Variants in CEP295 observed in about 807,000 individuals in gnomAD.
CEP295 encodes centrosomal protein 295.
CEP295 carries 190 observed loss-of-function variants against 291.6 expected under a neutral mutation model. The ratio of observed to expected loss-of-function variants is 0.65; its 90% CI spans 0.58 to 0.73. CEP295 has a LOEUF of 0.73. CEP295 is among the 30% of genes least tolerant of loss of function. CEP295 has a pLI of 0.00. For synonymous variants in CEP295, 993 were observed against 1,038.8 expected, an observed-to-expected ratio of 0.96 and a Z score of 0.85; for missense variants, 2,863 against 2,949.4, an observed-to-expected ratio of 0.97 and a Z score of 0.68.
intron 15 of CEP295, among the ~76,000 whole-genome samples, chr11:93,701,343 G>A (rs1352666724): frequency 2.6e-5 from 4 of 152,096 alleles, no homozygotes; most frequent in African/African-American, 9.7e-5. Flanking sequence ...CAGCCTGGGC[G>A]ATGAGGGAGA....
chr11:93,689,497 G>A (rs1951410863), intron 10 of CEP295, among the ~76,000 whole-genome samples: 1 of 152,032 alleles, frequency 6.6e-6, no homozygotes, highest in Non-Finnish European at 1.5e-5. Context: ...TTTTTCTTGG[G>A]TATTTCCTTG....
At chr11:93,727,815 G>A (rs1319795634) in intron 24 of CEP295, 178 bp downstream of exon 24, 2 of 515,816 alleles carry the variant, frequency 3.9e-6, no homozygotes, top group Non-Finnish European at 6.7e-6. Context: ...CACAATGCCT[G>A]GCAGGAAAAA....
At chr11:93,687,609 G>A in intron 9 of CEP295, 35 bp from the exon 10 acceptor site, 1 of 1,188,840 alleles carries the variant, frequency 8.4e-7, no homozygotes, top group Non-Finnish European at 1.2e-6. Context: ...TACAATAGAT[G>A]CTAAATAAGT....
rs1193133074 is a variant in CEP295 at position 93,729,671 on chromosome 11, G to A, written c.7457G>A (p.Arg2486Lys). ...PGSLQEAFIKRKKSFMERSHQ... is the reference protein window; with the variant it reads ...PGSLQEAFIKKKKSFMERSHQ... ...AGCTTACAAGAAGCATTTATAAAGA[G>A]GAAAAAATCATTTATGGAGAGATCC... Residue 2486 changes from arginine (R) to lysine (K), a missense_variant, in exon 27 of 30, where the codon AGG becomes AAG. By Grantham distance (26) the Arg-to-Lys change is conservative. Around this residue, in one of 3 missense-constraint regions of CEP295, gnomAD observed 2,295 missense variants for 2,335.7 expected, o/e 0.98. Coordinates refer to ENST00000325212, the MANE Select transcript of CEP295 (RefSeq NM_033395.2). The A allele has an allele frequency of 6.4e-7, 1 of 1,550,616 alleles. No individual in the cohort carries two copies. The highest frequency in any genetic ancestry group is 8.7e-7 in the Non-Finnish European group (1 of 1,146,644).
chr11:93,730,236 A>G lies in CEP295; in HGVS notation c.7773A>G (p.Thr2591=). The G allele has an allele frequency of 6.4e-7, 1 of 1,551,238 alleles. No homozygotes were observed. The highest frequency in any genetic ancestry group is 2.0e-5 in the Admixed American group (1 of 50,972). The change falls in exon 30 of 30, where the codon ACA becomes ACG. Residue 2591 remains threonine (T), a synonymous_variant. Transcript: ENST00000325212. The stretch of plus-strand genomic sequence containing the variant: ...AATTTTTATTCCTTCCACAGAAAAC[A>G]CTAGAGAAACTTCGAGCCAAAAATA... The part of the protein sequence containing the change: ...RARAKEFHKK[T]LEKLRAKNTC
At position 93,698,335 on chromosome 11, in the gene CEP295, A is replaced by C; in HGVS notation, c.3423A>C (p.Ile1141=). 6.4e-7 allele frequency: 1 copy of C among 1,552,126 alleles called. No homozygotes were observed. Among genetic ancestry groups the C allele is most frequent in the Non-Finnish European group, 8.7e-7 (1 of 1,147,048 alleles). ...KENVGPSCHL[I]IPTFQDKSLS... ...ATGTAGGTCCCTCCTGTCATTTGATAATCCCAACATTTCAGGATAAGTCTC... is the reference window on the plus strand; with the variant it reads ...ATGTAGGTCCCTCCTGTCATTTGATCATCCCAACATTTCAGGATAAGTCTC... Residue 1141 remains isoleucine (I), a synonymous_variant, in exon 15 of 30, where the codon ATA becomes ATC. Transcript: ENST00000325212.
chr11:93,724,246 C>G lies in CEP295; in HGVS notation c.6197-8C>G. On this transcript the variant is annotated splice_region_variant and splice_polypyrimidine_tract_variant and intron_variant, in intron 21 of 29. Coordinates refer to ENST00000325212, the MANE Select transcript of CEP295 (RefSeq NM_033395.2). ...CAAAAATTCTAACAGTTGACCTTGACTTTCCAGAATTGGAACACATTTTTC... is the reference window on the plus strand; with the variant it reads ...CAAAAATTCTAACAGTTGACCTTGAGTTTCCAGAATTGGAACACATTTTTC... The G allele has an allele frequency of 6.5e-7, 1 of 1,543,598 alleles. No individual in the cohort carries two copies. Among genetic ancestry groups the G allele is most frequent in the Middle Eastern group, 1.7e-4 (1 of 5,978 alleles).
rs1951108211 is a variant in CEP295, at chr11:93,684,129, G to A, written c.1114+1G>A. Reference sequence around the variant, plus strand: ...GAAATATGTTCTAGTGAAACAGATGGTAAAAACCCTTCTGAGCTAAATATT... The same window carrying A: ...GAAATATGTTCTAGTGAAACAGATGATAAAAACCCTTCTGAGCTAAATATT... On this transcript the variant is annotated splice_donor_variant, in intron 9 of 29. Coordinates refer to ENST00000325212, the MANE Select transcript of CEP295 (RefSeq NM_033395.2). LOFTEE classifies it high-confidence loss of function. 6.5e-7 allele frequency: 1 copy of A among 1,549,690 alleles called. No individual in the cohort carries two copies. Among genetic ancestry groups the A allele is most frequent in the South Asian group, 1.2e-5 (1 of 83,916 alleles).
rs866486583 is a variant in CEP295 at position 93,727,892 on chromosome 11, T to G, written c.7161+255T>G. Reference sequence around the variant, plus strand: ...ATCCAGCTTGTGATCACTAGAAATATCCAGCATAATGCAGAAACTTAAAAA... The same window carrying G: ...ATCCAGCTTGTGATCACTAGAAATAGCCAGCATAATGCAGAAACTTAAAAA... On this transcript the variant is annotated intron_variant, in intron 24 of 29. Transcript: ENST00000325212. 8.8e-6 allele frequency: 3 copies of G among 341,366 alleles called. No homozygotes were observed. The South Asian group carries it at 2.1e-4, about 23-fold the overall frequency. 21.1% of individuals were successfully genotyped at this position (341,366 alleles called of 1,614,324 possible).
chr11:93,711,953 A>C lies in CEP295; in HGVS notation c.5749+5056A>C, dbSNP rs1225255027. On this transcript the variant is annotated intron_variant, in intron 18 of 29. Transcript: ENST00000325212. ...CCATTGGATGAAATGTTCTGTAAAT[A>C]TCTGTTAGGTTCATTTGGTCTATGG... 3.3e-5 allele frequency among the ~76,000 whole-genome samples: 5 copies of C among 152,034 alleles called. No homozygotes were observed. The East Asian group carries it at 9.6e-4, about 29-fold the overall frequency.
At chr11:93,680,350 A>G (rs1029180456) in intron 7 of CEP295, among the ~76,000 whole-genome samples, 3 of 152,240 alleles carry the variant, frequency 2.0e-5, no homozygotes, top group African/African-American at 7.2e-5. Context: ...CAGGCCTGTC[A>G]TCCCAACACT....
At chr11:93,674,015 C>G (rs1950570708) in intron 5 of CEP295, among the ~76,000 whole-genome samples, 1 of 151,288 alleles carries the variant, frequency 6.6e-6, no homozygotes, top group South Asian at 2.1e-4. Context: ...TGCAGTGGCA[C>G]AATCTTGGCT....
rs1197780079 is a variant in CEP295, at chr11:93,698,997, G to A, written c.4085G>A (p.Arg1362Lys). ...KALQEQLATQ[R>K]EAIILARQEA... ...CTTCAAGAACAGTTAGCTACACAGAGAGAAGCCATCATTCTAGCTAGACAA... is the reference window on the plus strand; with the variant it reads ...CTTCAAGAACAGTTAGCTACACAGAAAGAAGCCATCATTCTAGCTAGACAA... The change falls in exon 15 of 30, where the codon AGA becomes AAA. Residue 1362 changes from arginine to lysine, a missense_variant. Around this residue, in one of 3 missense-constraint regions of CEP295, gnomAD observed 2,295 missense variants for 2,335.7 expected, o/e 0.98. Transcript: ENST00000325212. 9 of 1,549,136 alleles carry A rather than the reference G, an allele frequency of 5.8e-6. No homozygotes were observed. The highest frequency in any genetic ancestry group is 2.0e-5 in the Admixed American group (1 of 50,982).
In CEP295 at chr11:93,726,225, G is replaced by A. The variant is rs190667874; in HGVS notation, c.6499+394G>A. ...GGCTCACTGCAACCTCCGCCTGCTG[G>A]GTTCAAGTGATTCTCCTGCCTCACT... On this transcript the variant is annotated intron_variant, in intron 23 of 29. Transcript: ENST00000325212. 5.0e-3 allele frequency among the ~76,000 whole-genome samples: 762 copies of A among 152,256 alleles called. 10 individuals carry two copies. Among genetic ancestry groups the A allele is most frequent in the African/African-American group, 0.017 (702 of 41,550 alleles).
At position 93,702,487 on chromosome 11, in the gene CEP295, T is replaced by G; in HGVS notation, c.5302T>G (p.Leu1768Val). 1 of 1,539,180 alleles carries G rather than the reference T, an allele frequency of 6.5e-7. No individual in the cohort carries two copies. Among genetic ancestry groups the G allele is most frequent in the East Asian group, 2.4e-5 (1 of 40,832 alleles). The change falls in exon 16 of 30, where the codon TTA (leucine) becomes GTA (valine). Residue 1768 changes from leucine to valine, a missense_variant. By Grantham distance (32) the Leu-to-Val change is conservative. This residue lies in a region of CEP295 where 2,295 missense variants were observed against 2,335.7 expected (regional missense o/e 0.98). Transcript: ENST00000325212. ...QISKPTVEND[L>V]KTQKMGQLRD... ...AAGTAAGCCCACAGTTGAAAATGAT[T>G]TAAAAACCCAGAAGATGGGGCAGCT...
Position 93,684,128 on chromosome 11 carries a change from G to C in CEP295, c.1114G>C (p.Val372Leu). ...TGAAATATGTTCTAGTGAAACAGAT[G>C]GTAAAAACCCTTCTGAGCTAAATAT... ...EAEICSSETD[V>L]PLVMKTQQIP... The change falls in exon 9 of 30, where the codon GTT (valine) becomes CTT (leucine). Residue 372 changes from valine (V) to leucine (L), a missense_variant and splice_region_variant. By Grantham distance (32) the Val-to-Leu change is conservative. Coordinates refer to ENST00000325212, the MANE Select transcript of CEP295 (RefSeq NM_033395.2). The C allele has an allele frequency of 3.2e-6, 5 of 1,549,368 alleles. No homozygotes were observed. The highest frequency in any genetic ancestry group is 4.4e-6 in the Non-Finnish European group (5 of 1,146,184).
rs1413885783 is a variant in CEP295, at chr11:93,683,724, A to G, written c.931A>G (p.Met311Val). The change falls in exon 8 of 30, where the codon ATG becomes GTG. Residue 311 changes from methionine (M) to valine (V), a missense_variant. By Grantham distance (21) the Met-to-Val change is conservative. Around this residue, in one of 3 missense-constraint regions of CEP295, gnomAD observed 554 missense variants for 576.0 expected, o/e 0.96. Coordinates refer to ENST00000325212, the MANE Select transcript of CEP295 (RefSeq NM_033395.2). Reference protein sequence around the residue: ...QRELEFAFEDMYNADRKVKGN... With the variant: ...QRELEFAFEDVYNADRKVKGN... Reference sequence around the variant, plus strand: ...AGAATTGGAATTTGCCTTTGAAGATATGTACAATGCAGACAGGAGTAAGAT... The same window carrying G: ...AGAATTGGAATTTGCCTTTGAAGATGTGTACAATGCAGACAGGAGTAAGAT... The G allele has an allele frequency of 5.8e-6, 9 of 1,545,708 alleles. No homozygotes were observed. Among genetic ancestry groups the G allele is most frequent in the Non-Finnish European group, 7.9e-6 (9 of 1,145,622 alleles).
rs1052712066 is a variant in CEP295 at position 93,699,150 on chromosome 11, C to A, written c.4238C>A (p.Ser1413Tyr). The A allele has an allele frequency of 6.4e-7, 1 of 1,551,410 alleles. No homozygotes were observed. Among genetic ancestry groups the A allele is most frequent in the African/African-American group, 1.4e-5 (1 of 73,050 alleles). Reference sequence around the variant, plus strand: ...TTCGCCTCATTACCTCTTAATGAATCTGAAAGAAACCAAGAACCATGTTCA... The same window carrying A: ...TTCGCCTCATTACCTCTTAATGAATATGAAAGAAACCAAGAACCATGTTCA... ...HSFASLPLNE[S>Y]ERNQEPCSIN... The change falls in exon 15 of 30, where the codon TCT (serine) becomes TAT (tyrosine). Residue 1413 changes from serine to tyrosine, a missense_variant. Ser to Tyr is a moderately radical substitution (Grantham distance 144). Coordinates refer to ENST00000325212, the MANE Select transcript of CEP295 (RefSeq NM_033395.2).
chr11:93,670,302 AAAAAG>A (rs1240666021), intron 5 of CEP295, among the ~76,000 whole-genome samples: 6 of 152,122 alleles, frequency 3.9e-5, no homozygotes, highest in Admixed American at 1.3e-4. Flanking sequence ...TGTGATTTTA[AAAAAG>A]AAAAGAGGAA....
Sources: allele counts gnomAD v4.1 joint callset (sites outside exome capture counted in the v4.1 genomes callset), GRCh38; gene constraint gnomAD v4.1.1; regional missense constraint gnomAD v4.1.1; transcripts MANE v1.5; gene names NCBI Gene and HGNC (gene_info 2026-07-23, HGNC 2026-07-21).